Variants in FSIP1 observed in about 807,000 individuals in gnomAD.
FSIP1 encodes the protein fibrous sheath-interacting protein 1.
FSIP1 carries 65 observed loss-of-function variants against 60.9 expected under a neutral mutation model. The observed-to-expected ratio is 1.07, with a 90% CI of 0.87 to 1.31. The LOEUF (loss-of-function observed/expected upper bound fraction) is 1.31, where lower values mean the gene tolerates loss of function less well. Ranked by LOEUF, FSIP1 falls within the 40% of genes most tolerant of loss-of-function variation. FSIP1 has a pLI of 0.00. For synonymous variants in FSIP1, 209 were observed against 221.2 expected (o/e 0.94, Z 0.49); for missense variants, 675 against 665.5 (o/e 1.01, Z -0.16).
At chr15:39,605,365 A>T (rs1238745197) in intron 11 of FSIP1, among the ~76,000 whole-genome samples, 3 of 152,204 alleles carry the variant, frequency 2.0e-5, no homozygotes, top group Non-Finnish European at 4.4e-5. Flanking sequence ...TGATCTTGAT[A>T]CTCACTGTGG....
Position 39,702,568 on chromosome 15 carries a change from T to C in FSIP1, c.1188+10876A>G, listed in dbSNP as rs1595633580. Among the ~76,000 whole-genome samples, 3 of 149,164 alleles carry C rather than the reference T, an allele frequency of 2.0e-5. 1 individual carries two copies. In the South Asian group the frequency reaches 6.4e-4, roughly 32 times the overall value. ...TGCACAGGGGCTGTAAACAGTCCCA[T>C]GTGGCATGTTACTACCCTGGGTCAA... is the stretch of plus-strand genomic sequence containing the variant. On this transcript the variant is annotated intron_variant, in intron 10 of 11. Coordinates refer to ENST00000350221, the MANE Select transcript of FSIP1 (RefSeq NM_152597.5).
chr15:39,712,597 G>GT (rs1228462493), intron 10 of FSIP1, among the ~76,000 whole-genome samples: 1 of 152,174 alleles, frequency 6.6e-6, no homozygotes, highest in Non-Finnish European at 1.5e-5. Context: ...ACCAAAAGGG[G>GT]TTACTGCAGG....
chr15:39,771,775 T>A (rs1305664251), intron 2 of FSIP1, among the ~76,000 whole-genome samples: 1 of 152,108 alleles, frequency 6.6e-6, no homozygotes, highest in African/African-American at 2.4e-5. Flanking sequence ...CAGGAGGTGG[T>A]TAAACAGGGT....
chr15:39,725,697 C>A (rs1027999415), intron 9 of FSIP1, among the ~76,000 whole-genome samples: 1 of 152,172 alleles, frequency 6.6e-6, no homozygotes, highest in Non-Finnish European at 1.5e-5. Flanking sequence ...CCTCAGTCTA[C>A]CACCCAAACC....
intron 11 of FSIP1, among the ~76,000 whole-genome samples, chr15:39,609,073 C>T (rs961061878): frequency 6.6e-6 from 1 of 152,170 alleles, no homozygotes; most frequent in Non-Finnish European, 1.5e-5. Context: ...AGGAAGCCCA[C>T]TCATTATTAT....
At chr15:39,709,363 G>A (rs1345355568) in intron 10 of FSIP1, among the ~76,000 whole-genome samples, 1 of 152,156 alleles carries the variant, frequency 6.6e-6, no homozygotes, top group Admixed American at 6.5e-5. Flanking sequence ...CTGGTTGGAG[G>A]GCAGTAGACT....
intron 5 of FSIP1, among the ~76,000 whole-genome samples, chr15:39,757,644 T>C (rs1247323865): frequency 6.6e-6 from 1 of 152,120 alleles, no homozygotes; most frequent in African/African-American, 2.4e-5. Context: ...CATATGTCTA[T>C]GAAGTAAACA....
intron 8 of FSIP1, among the ~76,000 whole-genome samples, chr15:39,734,215 G>A (rs748781723): frequency 2.0e-5 from 3 of 152,158 alleles, no homozygotes; most frequent in Non-Finnish European, 4.4e-5. Context: ...ACATTCAAAT[G>A]AGGAAAAAAT....
intron 10 of FSIP1, among the ~76,000 whole-genome samples, chr15:39,647,027 G>A (rs548418754): frequency 3.1e-4 from 47 of 151,974 alleles, no homozygotes; most frequent in African/African-American, 1.1e-3. Context: ...GAAAAACAAA[G>A]TTGAATACAT....
At chr15:39,727,479 C>T (rs1205153968) in intron 8 of FSIP1, among the ~76,000 whole-genome samples, 1 of 152,196 alleles carries the variant, frequency 6.6e-6, no homozygotes, top group Non-Finnish European at 1.5e-5. Context: ...ATCAAAGAAA[C>T]ACCATGATCA....
chr15:39,642,967 T>G (rs1190224592), intron 10 of FSIP1, among the ~76,000 whole-genome samples: 1 of 152,208 alleles, frequency 6.6e-6, no homozygotes, highest in Non-Finnish European at 1.5e-5. Flanking sequence ...GACAGTTTCT[T>G]GACACAATTG....
At chr15:39,781,771 CA>C (rs1898272666) in intron 1 of FSIP1, among the ~76,000 whole-genome samples, 1 of 152,170 alleles carries the variant, frequency 6.6e-6, no homozygotes, top group Non-Finnish European at 1.5e-5. Context: ...GGCAAAATTA[CA>C]GGAACAAAAA....
At chr15:39,664,613 A>G (rs1893425029) in intron 10 of FSIP1, among the ~76,000 whole-genome samples, 1 of 152,076 alleles carries the variant, frequency 6.6e-6, no homozygotes, top group Non-Finnish European at 1.5e-5. Context: ...CACACACCTG[A>G]CCCCAATCTC....
At chr15:39,697,227 A>G (rs1288922568) in intron 10 of FSIP1, among the ~76,000 whole-genome samples, 1 of 152,208 alleles carries the variant, frequency 6.6e-6, no homozygotes, top group African/African-American at 2.4e-5. Context: ...TCACATTCAC[A>G]AAGTGTGTTT....
At chr15:39,733,864 T>C (rs1417966787) in intron 8 of FSIP1, among the ~76,000 whole-genome samples, 4 of 152,186 alleles carry the variant, frequency 2.6e-5, no homozygotes, top group Non-Finnish European at 5.9e-5. Flanking sequence ...AGACATGAGC[T>C]GCTCACTCCT....
intron 10 of FSIP1, among the ~76,000 whole-genome samples, chr15:39,681,677 T>C (rs571000000): frequency 6.6e-6 from 1 of 152,078 alleles, no homozygotes; most frequent in East Asian, 1.9e-4. Context: ...TGAAAAAAAT[T>C]GAAAGCAAAA....
chr15:39,731,321 A>G (rs1896395300), intron 8 of FSIP1, among the ~76,000 whole-genome samples: 1 of 152,142 alleles, frequency 6.6e-6, no homozygotes, highest in Non-Finnish European at 1.5e-5. Flanking sequence ...AGTTATGCAT[A>G]ATTTTTAAAA....
intron 10 of FSIP1, among the ~76,000 whole-genome samples, chr15:39,628,335 C>G (rs548033063): frequency 2.0e-5 from 3 of 152,274 alleles, no homozygotes; most frequent in African/African-American, 7.2e-5. Context: ...GAAAGAATGA[C>G]AAGCATGAGG....
chr15:39,611,638 T>C (rs1449215660), intron 11 of FSIP1, among the ~76,000 whole-genome samples: 5 of 152,134 alleles, frequency 3.3e-5, no homozygotes, highest in African/African-American at 7.2e-5. Context: ...AATTACAAAA[T>C]GGCAGTAGCA....
Sources: gnomAD v4.1 joint callset for allele counts (sites outside exome capture counted in the v4.1 genomes callset) on GRCh38, gnomAD v4.1.1 for gene constraint, MANE v1.5 for transcripts, NCBI Gene and HGNC (gene_info 2026-07-23, HGNC 2026-07-21) for gene names.